The following SELENOF variants were observed in gnomAD, a reference collection of about 807,000 sequenced individuals.
The protein encoded by SELENOF is selenoprotein F.
In SELENOF, 16 loss-of-function variants were observed where a neutral mutation model predicts 20.5. The observed-to-expected ratio is 0.78, with a 90% confidence interval of 0.53 to 1.19. SELENOF has a LOEUF of 1.19. Ranked by LOEUF, SELENOF falls within the 50% of genes most tolerant of loss-of-function variation. SELENOF has a pLI of 0.00. For synonymous variants in SELENOF, 78 were observed against 74.5 expected (o/e 1.05, Z -0.24); for missense variants, 215 against 194.2 (o/e 1.11, Z -0.64).
chr1:86,886,528 A>C (rs1016224909), intron 2 of SELENOF, among the ~76,000 whole-genome samples: 2 of 152,094 alleles, frequency 1.3e-5, no homozygotes, highest in Non-Finnish European at 2.9e-5. Flanking sequence ...GTTAGTATTA[A>C]AGCAATTCCA....
chr1:86,895,627 A>G (rs1221244892), intron 2 of SELENOF, among the ~76,000 whole-genome samples: 3 of 152,224 alleles, frequency 2.0e-5, no homozygotes, highest in Non-Finnish European at 2.9e-5. Flanking sequence ...TCTATAGTCT[A>G]TCTTAACCAT....
At chr1:86,901,606 G>T (rs1387406279) in intron 2 of SELENOF, among the ~76,000 whole-genome samples, 1 of 152,164 alleles carries the variant, frequency 6.6e-6, no homozygotes, top group East Asian at 1.9e-4. Context: ...GTAATTAGCT[G>T]GGCATATATT....
chr1:86,885,318 C>G (rs760292700), intron 2 of SELENOF, among the ~76,000 whole-genome samples: 2 of 152,140 alleles, frequency 1.3e-5, no homozygotes, highest in Non-Finnish European at 2.9e-5. Context: ...ATTTTTGTAG[C>G]TATCTTTGTT....
chr1:86,903,510 A>C lies in SELENOF; in HGVS notation c.85-62T>G. 4.6e-6 allele frequency: 6 copies of C among 1,308,232 alleles called. No homozygotes were observed. In the South Asian group the frequency reaches 5.0e-5, roughly 11 times the overall value. The allele number at this position is 1,308,232 out of a possible 1,614,324, so 81.0% of individuals were successfully genotyped here. On this transcript the variant is annotated intron_variant, in intron 1 of 4. Transcript: ENST00000331835. ...TATTTATACTACAAAGCTTTCCAAA[A>C]AGAGAACACGGGGTTGTCAAAAACT...
upstream of SELENOF, chr1:86,914,283 G>A (rs949053690): frequency 2.7e-5 from 17 of 626,078 alleles, no homozygotes; most frequent in Admixed American, 1.7e-4. Flanking sequence ...ACAATCACTG[G>A]GTGCTTTCGA....
intron 2 of SELENOF, among the ~76,000 whole-genome samples, chr1:86,883,498 C>T (rs1319799326): frequency 6.6e-6 from 1 of 151,682 alleles, no homozygotes; most frequent in Non-Finnish European, 1.5e-5. Context: ...TGTACGTACA[C>T]TAAATAGTGT....
intron 4 of SELENOF, among the ~76,000 whole-genome samples, chr1:86,865,399 AAT>A (rs1323632180): frequency 2.6e-5 from 4 of 152,198 alleles, no homozygotes; most frequent in African/African-American, 9.6e-5. Flanking sequence ...ATAAAGGTTT[AAT>A]ATCCAGAATA....
chr1:86,899,870 A>T (rs1659640659), intron 2 of SELENOF, among the ~76,000 whole-genome samples: 2 of 135,110 alleles, frequency 1.5e-5, no homozygotes, highest in Non-Finnish European at 3.1e-5. Context: ...CCCTTCTCAG[A>T]TGGGGCGGCT....
chr1:86,868,319 C>T (rs1182661365), intron 3 of SELENOF, among the ~76,000 whole-genome samples: 1 of 152,024 alleles, frequency 6.6e-6, no homozygotes, highest in African/African-American at 2.4e-5. Flanking sequence ...ATCCCAAATT[C>T]CAATAGGATT....
intron 2 of SELENOF, among the ~76,000 whole-genome samples, chr1:86,892,215 GGT>G (rs1659403235): frequency 6.6e-6 from 1 of 152,100 alleles, no homozygotes; most frequent in Non-Finnish European, 1.5e-5. Flanking sequence ...TGGGATTACA[GGT>G]GTGAGCCACC....
intron 3 of SELENOF, among the ~76,000 whole-genome samples, chr1:86,880,257 T>C (rs576967018): frequency 2.1e-4 from 32 of 151,884 alleles, no homozygotes; most frequent in Non-Finnish European, 3.5e-4. Flanking sequence ...CGCCTCCGCC[T>C]CCCGAGTAGC....
chr1:86,909,466 A>G (rs1006226067), intron 1 of SELENOF, among the ~76,000 whole-genome samples: 1 of 152,184 alleles, frequency 6.6e-6, no homozygotes, highest in Non-Finnish European at 1.5e-5. Context: ...AAATATCCTG[A>G]TGACTTTGAT....
intron 1 of SELENOF, among the ~76,000 whole-genome samples, chr1:86,905,590 A>G (rs1659808292): frequency 6.6e-6 from 1 of 152,092 alleles, no homozygotes; most frequent in African/African-American, 2.4e-5. Context: ...CCTCAACAAT[A>G]CTATGAACTC....
intron 3 of SELENOF, among the ~76,000 whole-genome samples, chr1:86,874,463 G>T (rs1658873546): frequency 6.6e-6 from 1 of 152,112 alleles, no homozygotes; most frequent in Admixed American, 6.6e-5. Flanking sequence ...CATTCATGCT[G>T]CCCCCTAGAA....
At chr1:86,866,772 T>C (rs1024599066) in intron 4 of SELENOF, among the ~76,000 whole-genome samples, 3 of 152,196 alleles carry the variant, frequency 2.0e-5, no homozygotes, top group Admixed American at 2.0e-4. Context: ...CACATACTTA[T>C]TAGAACAACT....
intron 2 of SELENOF, among the ~76,000 whole-genome samples, chr1:86,884,361 AC>A: frequency 6.6e-6 from 1 of 151,896 alleles, no homozygotes; most frequent in Non-Finnish European, 1.5e-5. Context: ...ACACACACAC[AC>A]ACACACACAC....
chr1:86,913,350 A>G (rs1020502622), intron 1 of SELENOF, among the ~76,000 whole-genome samples: 1 of 152,238 alleles, frequency 6.6e-6, no homozygotes, highest in African/African-American at 2.4e-5. Flanking sequence ...TTCCCATTCA[A>G]AGGTCACCCA....
At chr1:86,905,750 G>A (rs1275983504) in intron 1 of SELENOF, among the ~76,000 whole-genome samples, 1 of 152,202 alleles carries the variant, frequency 6.6e-6, no homozygotes, top group Admixed American at 6.5e-5. Flanking sequence ...TCTAGACTAA[G>A]GGTATGCAAA....
chr1:86,865,979 G>A lies in SELENOF; in HGVS notation c.366+2074C>T, dbSNP rs549304302. 7.9e-5 allele frequency among the ~76,000 whole-genome samples: 12 copies of A among 152,000 alleles called. No homozygotes were observed. In the South Asian group the frequency reaches 1.5e-3, roughly 18 times the overall value. The stretch of plus-strand genomic sequence containing the variant: ...GAAGGCTGAGGCAGGAGGATCGCCC[G>A]AGCCCAGGAATACAAGACCAGCTTA... On this transcript the variant is annotated intron_variant, in intron 4 of 4. Transcript: ENST00000331835.
Sources: gnomAD v4.1 joint callset for allele counts (sites outside exome capture counted in the v4.1 genomes callset) on GRCh38, gnomAD v4.1.1 for gene constraint, MANE v1.5 for transcripts, NCBI Gene and HGNC (gene_info 2026-07-23, HGNC 2026-07-21) for gene names.